FHIT: variants seen among roughly 807,000 people sequenced by gnomAD.
FHIT encodes the protein fragile histidine triad diadenosine triphosphatase.
FHIT carries 19 observed loss-of-function variants against 17.9 expected under a neutral mutation model. The observed-to-expected ratio is 1.06, with a 90% CI of 0.74 to 1.56. The LOEUF (loss-of-function observed/expected upper bound fraction) is 1.56, where lower values mean the gene tolerates loss of function less well. FHIT is among the 40% of genes most tolerant of loss of function. The probability of loss-of-function intolerance (pLI) is 0.00; values close to 1 mark genes in which losing one functional copy is unlikely to be tolerated. For missense variants in FHIT, 248 were observed against 189.2 expected, an observed-to-expected ratio of 1.31 and a Z score of -1.82; for synonymous variants, 81 against 69.7, an observed-to-expected ratio of 1.16 and a Z score of -0.81.
At chr3:61,225,023 A>T (rs1403495704) in intron 1 of FHIT, among the ~76,000 whole-genome samples, 1 of 152,200 alleles carries the variant, frequency 6.6e-6, no homozygotes, top group Non-Finnish European at 1.5e-5. Flanking sequence ...CTTAAGAGGT[A>T]AAGTCAAGGT....
chr3:60,204,371 G>C (rs1703060125), intron 5 of FHIT, among the ~76,000 whole-genome samples: 2 of 152,000 alleles, frequency 1.3e-5, no homozygotes, highest in African/African-American at 4.8e-5. Context: ...CTGGGCTCAA[G>C]CGATCCTCCC....
intron 1 of FHIT, among the ~76,000 whole-genome samples, chr3:61,219,737 G>A (rs1160394365): frequency 6.6e-6 from 1 of 152,142 alleles, no homozygotes; most frequent in Non-Finnish European, 1.5e-5. Flanking sequence ...GTACAGGCCA[G>A]TAACACACTG....
intron 3 of FHIT, among the ~76,000 whole-genome samples, chr3:60,908,808 G>T (rs1553765173): frequency 6.6e-6 from 1 of 151,268 alleles, no homozygotes; most frequent in Non-Finnish European, 1.5e-5. Context: ...ACAAAGAGAA[G>T]CTGTAATAGC....
At position 60,832,679 on chromosome 3, in the gene FHIT, T is replaced by G. The variant is rs1209727953; in HGVS notation, c.-110-10668A>C. 2.5e-4 allele frequency among the ~76,000 whole-genome samples: 37 copies of G among 149,152 alleles called. 1 individual carries two copies. In the South Asian group the frequency reaches 4.5e-3, roughly 18 times the overall value. ...TGTGTTGATAATGTGCTGCTTTAAA[T>G]CAATTCATAAAAAAAAAAAAAAGCA... is the stretch of plus-strand genomic sequence containing the variant. On this transcript the variant is annotated intron_variant, in intron 3 of 9. Transcript: ENST00000492590.
chr3:59,836,492 C>T (rs1233100047), intron 8 of FHIT, among the ~76,000 whole-genome samples: 4 of 152,182 alleles, frequency 2.6e-5, no homozygotes, highest in Non-Finnish European at 4.4e-5. Context: ...CTGGTCCCCT[C>T]CTGTTACAGG....
intron 5 of FHIT, among the ~76,000 whole-genome samples, chr3:60,455,893 C>T (rs2107388018): frequency 6.6e-6 from 1 of 152,238 alleles, no homozygotes; most frequent in African/African-American, 2.4e-5. Flanking sequence ...TTTAAGAAGT[C>T]AAAGCCTATT....
rs375130452 is a variant in FHIT, at chr3:60,774,393, C to T, written c.-18+47526G>A. Among the ~76,000 whole-genome samples the T allele has an allele frequency of 1.2e-4, 18 of 152,238 alleles. No individual in the cohort carries two copies. The South Asian group carries it at 2.9e-3, about 25-fold the overall frequency. ...TCAGCTCACTGCAACCTCTGCCTCT[C>T]GCGTTCATGCAATTGTCCTGCCTCA... On this transcript the variant is annotated intron_variant, in intron 4 of 9. Coordinates refer to ENST00000492590, the MANE Select transcript of FHIT (RefSeq NM_002012.4).
intron 5 of FHIT, among the ~76,000 whole-genome samples, chr3:60,460,253 A>C (rs751611535): frequency 6.6e-6 from 1 of 152,190 alleles, no homozygotes; most frequent in Non-Finnish European, 1.5e-5. Flanking sequence ...TCTTTTGGTT[A>C]TACTTATTAG....
At chr3:60,502,162 G>A (rs1431348266) in intron 5 of FHIT, among the ~76,000 whole-genome samples, 1 of 152,204 alleles carries the variant, frequency 6.6e-6, no homozygotes, top group Non-Finnish European at 1.5e-5. Context: ...CCAGGACCTT[G>A]TTCTTCTCTC....
At position 61,021,463 on chromosome 3, in the gene FHIT, G is replaced by A. The variant is rs1288701422; in HGVS notation, c.-111+20584C>T. 2.1e-5 allele frequency among the ~76,000 whole-genome samples: 3 copies of A among 142,492 alleles called. No individual in the cohort carries two copies. In the Admixed American group the frequency reaches 2.2e-4, roughly 10 times the overall value. The allele number at this position is 142,492 out of a possible 152,430, so 93.5% of individuals were successfully genotyped here. On this transcript the variant is annotated intron_variant, in intron 3 of 9. Coordinates refer to ENST00000492590, the MANE Select transcript of FHIT (RefSeq NM_002012.4). Reference sequence around the variant, plus strand: ...AAATACAAAAAATTAGCCGGGCGTAGCGGCGGGCGCCTGTAGTCCCAGCTA... The same window carrying A: ...AAATACAAAAAATTAGCCGGGCGTAACGGCGGGCGCCTGTAGTCCCAGCTA...
intron 5 of FHIT, among the ~76,000 whole-genome samples, chr3:60,220,857 G>A (rs993487728): frequency 3.3e-5 from 5 of 152,120 alleles, no homozygotes; most frequent in Non-Finnish European, 5.9e-5. Flanking sequence ...AGCCACAGTC[G>A]ATGCCATTTC....
chr3:59,870,533 C>T (rs1451966157), intron 8 of FHIT, among the ~76,000 whole-genome samples: 2 of 152,158 alleles, frequency 1.3e-5, no homozygotes, highest in East Asian at 1.9e-4. Flanking sequence ...TGGGCTGGCT[C>T]CTTTTGGCAG....
chr3:60,189,274 G>A (rs1172954774), intron 5 of FHIT, among the ~76,000 whole-genome samples: 1 of 152,020 alleles, frequency 6.6e-6, no homozygotes. Context: ...AGAAAAGCTT[G>A]TATTCTCTAA....
chr3:60,964,555 T>C (rs1709618614), intron 3 of FHIT, among the ~76,000 whole-genome samples: 1 of 152,228 alleles, frequency 6.6e-6, no homozygotes, highest in Non-Finnish European at 1.5e-5. Flanking sequence ...TGGCATGTTT[T>C]TGCAGTGGCT....
At chr3:60,042,553 T>C (rs1240298472) in intron 5 of FHIT, among the ~76,000 whole-genome samples, 1 of 152,134 alleles carries the variant, frequency 6.6e-6, no homozygotes, top group Non-Finnish European at 1.5e-5. Context: ...TTCCTCACAC[T>C]GTCTTCCCTC....
chr3:60,811,559 C>T (rs1331114293), intron 4 of FHIT, among the ~76,000 whole-genome samples: 1 of 152,094 alleles, frequency 6.6e-6, no homozygotes, highest in African/African-American at 2.4e-5. Flanking sequence ...AGTAACCTTA[C>T]TTAAAATAGT....
chr3:60,647,195 G>A (rs1194419421), intron 4 of FHIT, among the ~76,000 whole-genome samples: 1 of 152,190 alleles, frequency 6.6e-6, no homozygotes, highest in Non-Finnish European at 1.5e-5. Flanking sequence ...ACTTGCTTTA[G>A]CGTGAGGCAG....
intron 5 of FHIT, among the ~76,000 whole-genome samples, chr3:60,186,369 GAA>G (rs1702158699): frequency 6.6e-6 from 1 of 152,066 alleles, no homozygotes; most frequent in South Asian, 2.1e-4. Flanking sequence ...ACCATTTGTT[GAA>G]AAGTTATCCT....
At chr3:60,890,797 A>C (rs1264889947) in intron 3 of FHIT, among the ~76,000 whole-genome samples, 1 of 152,204 alleles carries the variant, frequency 6.6e-6, no homozygotes, top group African/African-American at 2.4e-5. Context: ...TCATGACTAC[A>C]TAACATGGAG....
Sources: gnomAD v4.1 joint callset for allele counts (sites outside exome capture counted in the v4.1 genomes callset) on GRCh38, gnomAD v4.1.1 for gene constraint, MANE v1.5 for transcripts, NCBI Gene and HGNC (gene_info 2026-07-23, HGNC 2026-07-21) for gene names.